The following HAAO variants were observed in gnomAD, a reference collection of about 807,000 sequenced individuals.
HAAO encodes 3-hydroxyanthranilate 3,4-dioxygenase, also known as 3-hydroxyanthranilate oxygenase.
Under a neutral mutation model 46.2 loss-of-function variants are expected in HAAO, and 49 were observed. The observed-to-expected ratio is 1.06, with a 90% confidence interval of 0.84 to 1.34. HAAO has a LOEUF of 1.34. Among genes scored for constraint, HAAO ranks in the 40% most tolerant of loss-of-function variants. HAAO has a pLI of 0.00. For synonymous variants in HAAO, 157 were observed against 145.2 expected, an observed-to-expected ratio of 1.08 and a Z score of -0.58; for missense variants, 408 against 364.5, an observed-to-expected ratio of 1.12 and a Z score of -0.97.
At chr2:42,775,704 T>C (rs904692221) in intron 4 of HAAO, among the ~76,000 whole-genome samples, 5 of 152,106 alleles carry the variant, frequency 3.3e-5, no homozygotes, top group Admixed American at 3.3e-4. Flanking sequence ...ATGAGGGACC[T>C]AAAATAGTTT....
intron 1 of HAAO, among the ~76,000 whole-genome samples, chr2:42,790,990 C>G (rs1672757542): frequency 6.6e-6 from 1 of 152,156 alleles, no homozygotes; most frequent in Non-Finnish European, 1.5e-5. Context: ...CAGCTTCTCA[C>G]CTTGCTTGCT....
In HAAO at chr2:42,770,569, C is replaced by T. The variant is rs936598280; in HGVS notation, c.364G>A (p.Asp122Asn). 9.0e-6 allele frequency: 14 copies of T among 1,551,390 alleles called. No homozygotes were observed. Among genetic ancestry groups the T allele is most frequent in the African/African-American group, 4.1e-5 (3 of 73,196 alleles). ...ELDGLRYYVG[D>N]TMDVLFEKWF... ...TTCTCAAACAGAACGTCCATGGTGT[C>T]GCCCACATAGTACCTGCCAGAGCAG... The change falls in exon 5 of 10, where the codon GAC (aspartate) becomes AAC (asparagine). Residue 122 changes from aspartate (D) to asparagine (N), a missense_variant. By Grantham distance (23) the Asp-to-Asn change is conservative. Coordinates refer to ENST00000294973, the MANE Select transcript of HAAO (RefSeq NM_012205.3).
chr2:42,786,009 CTGTGTGTGTGTGTGTGTGTGTGTGTG>C (rs10606385), intron 2 of HAAO, among the ~76,000 whole-genome samples: 58 of 106,150 alleles, frequency 5.5e-4, no homozygotes, highest in South Asian at 2.1e-3. Context: ...GAGGAAGCCT[CTGTGTGTGTGTGTGTGTGTGTGTGTG>C]TGTGTGTGTG....
Position 42,767,193 on chromosome 2 carries a change from A to T in HAAO, c.*244T>A. ...GCAGGAGCGGGGCCGGGGGTAGACCACCTGGCAAGACTGGCAAGGCAGTGG... is the reference window on the plus strand; with the variant it reads ...GCAGGAGCGGGGCCGGGGGTAGACCTCCTGGCAAGACTGGCAAGGCAGTGG... On this transcript the variant is annotated 3_prime_UTR_variant, in exon 10 of 10. Transcript: ENST00000294973. 1 of 596,110 alleles carries T rather than the reference A, an allele frequency of 1.7e-6. No individual in the cohort carries two copies. Among genetic ancestry groups the T allele is most frequent in the East Asian group, 2.8e-5 (1 of 35,782 alleles). The allele number at this position is 596,110 out of a possible 1,614,324, so 36.9% of individuals were successfully genotyped here.
chr2:42,769,590 TGTGTGTGTGTGTGTGA>T, intron 7 of HAAO, 107 bp downstream of exon 7: 5 of 680,440 alleles, frequency 7.3e-6, no homozygotes, highest in East Asian at 2.8e-5. Context: ...TGTGTGTGTG[TGTGTGTGTGTGTGTGA>T]GTGTGTGTGT....
chr2:42,787,779 C>T (rs1353895105), intron 2 of HAAO, among the ~76,000 whole-genome samples: 1 of 152,228 alleles, frequency 6.6e-6, no homozygotes, highest in Non-Finnish European at 1.5e-5. Context: ...AGCCCCTCTA[C>T]TGATCCTTTT....
chr2:42,779,123 A>C (rs928169302), intron 4 of HAAO, among the ~76,000 whole-genome samples: 1 of 152,110 alleles, frequency 6.6e-6, no homozygotes, highest in African/African-American at 2.4e-5. Flanking sequence ...CAAATAAATA[A>C]ATAAATAAGT....
intron 7 of HAAO, among the ~76,000 whole-genome samples, 165 bp downstream of exon 7, chr2:42,769,548 C>T (rs561744100): frequency 1.2e-3 from 175 of 151,908 alleles, no homozygotes; most frequent in Non-Finnish European, 2.1e-3. Context: ...AAGGCCTATG[C>T]TCATGTCTAC....
At chr2:42,777,324 G>GAAAAAAAAAAAAAAAAAAAAA (rs1455094351) in intron 4 of HAAO, among the ~76,000 whole-genome samples, 1 of 115,392 alleles carries the variant, frequency 8.7e-6, no homozygotes, top group Non-Finnish European at 1.9e-5. Flanking sequence ...AAAAAAAAAA[G>GAAAAAAAAAAAAAAAAAAAAA]AAGAAAGAAA....
intron 4 of HAAO, among the ~76,000 whole-genome samples, chr2:42,778,762 T>C (rs952778321): frequency 1.3e-5 from 2 of 152,128 alleles, no homozygotes; most frequent in Admixed American, 1.3e-4. Context: ...CCAGGGACTA[T>C]CATGTAAGAG....
intron 1 of HAAO, 115 bp downstream of exon 1, chr2:42,792,342 A>C: frequency 1.8e-6 from 1 of 564,196 alleles, no homozygotes; most frequent in Non-Finnish European, 3.1e-6. Flanking sequence ...AAGAGATTAA[A>C]GCGGTCCTTC....
intron 2 of HAAO, 133 bp downstream of exon 2, chr2:42,788,396 C>G: frequency 2.9e-6 from 2 of 696,418 alleles, no homozygotes; most frequent in Non-Finnish European, 5.3e-6. Flanking sequence ...AGCTGTGCCC[C>G]CTCCACTCAT....
At chr2:42,786,758 G>C (rs1672416572) in intron 2 of HAAO, among the ~76,000 whole-genome samples, 2 of 152,208 alleles carry the variant, frequency 1.3e-5, no homozygotes, top group African/African-American at 4.8e-5. Context: ...GCTGGGGAGT[G>C]GGGAGCCGGG....
At position 42,774,524 on chromosome 2, in the gene HAAO, A is replaced by C. The variant is rs147577053; in HGVS notation, c.351-3942T>G. On this transcript the variant is annotated intron_variant, in intron 4 of 9. Coordinates refer to ENST00000294973, the MANE Select transcript of HAAO (RefSeq NM_012205.3). ...TTTACTTGTTTCCAACAAGGAAGGC[A>C]AGTTTTCCTGCTTCCATGACAATGG... is the stretch of plus-strand genomic sequence containing the variant. Among the ~76,000 whole-genome samples the C allele has an allele frequency of 9.2e-3, 1,394 of 152,268 alleles. 17 individuals are homozygous for C. The highest frequency in any genetic ancestry group is 0.032 in the African/African-American group (1,344 of 41,548).
In HAAO at chr2:42,767,111, T is replaced by G; in HGVS notation, c.*326A>C. On this transcript the variant is annotated 3_prime_UTR_variant, in exon 10 of 10. Transcript: ENST00000294973. The stretch of plus-strand genomic sequence containing the variant: ...GTGTGCGTTCCTCAGGAAGCCTTTA[T>G]TGAGGGCCTTCTTGGTGTGGAAGTG... 2.2e-6 allele frequency: 1 copy of G among 446,390 alleles called. No individual in the cohort carries two copies. 27.7% of individuals were successfully genotyped at this position (446,390 alleles called of 1,614,324 possible). A position where few individuals can be genotyped will look rare whatever the true frequency, so the allele number is the denominator to read the frequency against.
intron 4 of HAAO, among the ~76,000 whole-genome samples, chr2:42,773,097 C>A (rs1671274725): frequency 6.6e-6 from 1 of 152,216 alleles, no homozygotes; most frequent in African/African-American, 2.4e-5. Flanking sequence ...GACAGCGGGG[C>A]CTATTTTCTT....
intron 4 of HAAO, among the ~76,000 whole-genome samples, chr2:42,778,496 AT>A (rs1466092491): frequency 6.6e-6 from 1 of 151,966 alleles, no homozygotes; most frequent in South Asian, 2.1e-4. Flanking sequence ...TGCCCAGCTA[AT>A]TTTTTGTATT....
At chr2:42,783,572 A>T in intron 3 of HAAO, 152 bp from the exon 4 acceptor site, 1 of 676,194 alleles carries the variant, frequency 1.5e-6, no homozygotes, top group Non-Finnish European at 2.6e-6. Context: ...CAGCCTCTAC[A>T]CCAGGGAACC....
chr2:42,792,493 C>G lies in HAAO; in HGVS notation c.44G>C (p.Arg15Pro), dbSNP rs1558680390. 2 of 1,592,808 alleles carry G rather than the reference C, an allele frequency of 1.3e-6. No homozygotes were observed. The highest frequency in any genetic ancestry group is 2.2e-5 in the South Asian group (2 of 88,956). Reference protein sequence around the residue: ...LGVRAWVKENRGSFQPPVCNK... With the variant: ...LGVRAWVKENPGSFQPPVCNK... ...GCAGACCGGGGGCTGGAAGGAGCCC[C>G]GGTTCTCCTTCACCCAGGCCCTCAC... The change falls in exon 1 of 10, where the codon CGG becomes CCG. Residue 15 changes from arginine (R) to proline (P), a missense_variant. Arg to Pro is a moderately radical substitution (Grantham distance 103). Transcript: ENST00000294973.
Sources: allele counts gnomAD v4.1 joint callset (sites outside exome capture counted in the v4.1 genomes callset), GRCh38; gene constraint gnomAD v4.1.1; transcripts MANE v1.5; gene names NCBI Gene and HGNC (gene_info 2026-07-23, HGNC 2026-07-21).